ARHGAP10: variants seen among roughly 807,000 people sequenced by gnomAD.
The protein encoded by ARHGAP10 is Rho GTPase activating protein 10.
ARHGAP10 carries 87 observed loss-of-function variants against 108.6 expected under a neutral mutation model. That is an observed-to-expected ratio of 0.80 (90% CI 0.67 to 0.96). The LOEUF is 0.96. ARHGAP10 is among the 40% of genes least tolerant of loss of function. The pLI, the probability that ARHGAP10 is intolerant of heterozygous loss-of-function variation, is 0.00. For missense variants in ARHGAP10, 939 were observed against 954.5 expected, an observed-to-expected ratio of 0.98 and a Z score of 0.21; for synonymous variants, 347 against 341.1, an observed-to-expected ratio of 1.02 and a Z score of -0.19.
At chr4:147,907,164 C>T (rs1736530526) in intron 11 of ARHGAP10, among the ~76,000 whole-genome samples, 2 of 152,048 alleles carry the variant, frequency 1.3e-5, no homozygotes, top group African/African-American at 2.4e-5. Flanking sequence ...TAGTAGTTTA[C>T]AGTATGCAGT....
At position 147,897,958 on chromosome 4, in the gene ARHGAP10, A is replaced by T. The variant is rs201105697; in HGVS notation, c.1035-8680A>T. On this transcript the variant is annotated intron_variant, in intron 10 of 22. Transcript: ENST00000336498. ...TAGCTCTGCCTCCTGGGTTCACGCC[A>T]TTCTCCTGCCTCAGCCTCCCGAGAA... Among the ~76,000 whole-genome samples, 23 of 152,128 alleles carry T rather than the reference A, an allele frequency of 1.5e-4. No individual in the cohort carries two copies. The East Asian group carries it at 3.7e-3, about 24-fold the overall frequency.
intron 3 of ARHGAP10, among the ~76,000 whole-genome samples, chr4:147,846,219 T>G (rs1733623002): frequency 1.3e-5 from 2 of 152,110 alleles, no homozygotes; most frequent in African/African-American, 4.8e-5. Flanking sequence ...CCTCACATAA[T>G]GAAACACTGC....
intron 1 of ARHGAP10, among the ~76,000 whole-genome samples, chr4:147,764,328 A>T (rs1455670089): frequency 6.6e-6 from 1 of 151,772 alleles, no homozygotes; most frequent in Non-Finnish European, 1.5e-5. Context: ...GAGGCTGGAG[A>T]CCCTAGTCTG....
chr4:147,952,632 G>C (rs1414629285), intron 15 of ARHGAP10, among the ~76,000 whole-genome samples: 1 of 151,990 alleles, frequency 6.6e-6, no homozygotes, highest in Non-Finnish European at 1.5e-5. Context: ...TGTTTTAAAA[G>C]TTAAAAAATA....
chr4:148,020,757 T>G (rs777405802), intron 18 of ARHGAP10, among the ~76,000 whole-genome samples: 25 of 152,180 alleles, frequency 1.6e-4, no homozygotes, highest in Non-Finnish European at 3.2e-4. Flanking sequence ...GCAAACATAC[T>G]CGTGCGTGTA....
At chr4:147,853,396 T>A (rs1164536893) in intron 4 of ARHGAP10, among the ~76,000 whole-genome samples, 1 of 152,234 alleles carries the variant, frequency 6.6e-6, no homozygotes, top group Admixed American at 6.5e-5. Context: ...CAGTAAACAT[T>A]ATTTAATTTT....
At chr4:148,048,914 A>G (rs1422574826) in intron 20 of ARHGAP10, among the ~76,000 whole-genome samples, 1 of 152,128 alleles carries the variant, frequency 6.6e-6, no homozygotes, top group African/African-American at 2.4e-5. Context: ...TGAGAGGCCA[A>G]AAAGGGGGTT....
chr4:148,017,680 A>ATATACATATATATATATATATATGAG (rs11281620), intron 18 of ARHGAP10, among the ~76,000 whole-genome samples: 1 of 141,438 alleles, frequency 7.1e-6, no homozygotes, highest in Admixed American at 7.0e-5. Flanking sequence ...ATATATATAT[A>ATATACATATATATATATATATATGAG]TATGTGTGTG....
chr4:148,058,598 C>G (rs1019882757), intron 20 of ARHGAP10, among the ~76,000 whole-genome samples: 1 of 152,134 alleles, frequency 6.6e-6, no homozygotes, highest in Non-Finnish European at 1.5e-5. Context: ...ACTCCCTTCC[C>G]CCTTTCTGAA....
At chr4:147,994,348 C>T (rs1169441470) in intron 18 of ARHGAP10, among the ~76,000 whole-genome samples, 1 of 152,162 alleles carries the variant, frequency 6.6e-6, no homozygotes, top group Admixed American at 6.5e-5. Context: ...CATGCCGGTG[C>T]CTGGCTGTGT....
At position 147,972,842 on chromosome 4, in the gene ARHGAP10, C is replaced by T. The variant is rs1002593735; in HGVS notation, c.1716+6003C>T. Among the ~76,000 whole-genome samples, 5 of 151,904 alleles carry T rather than the reference C, an allele frequency of 3.3e-5. No homozygotes were observed. The East Asian group carries it at 9.7e-4, about 29-fold the overall frequency. On this transcript the variant is annotated intron_variant, in intron 18 of 22. Transcript: ENST00000336498. ...TGGTCTTGGCTCACTGCAATCTCTG[C>T]CTACCGGGTCCAAGTGATTCTCCTG... is the stretch of plus-strand genomic sequence containing the variant.
intron 18 of ARHGAP10, among the ~76,000 whole-genome samples, chr4:148,016,467 C>T (rs758156880): frequency 2.4e-4 from 37 of 151,934 alleles, no homozygotes; most frequent in Admixed American, 4.6e-4. Flanking sequence ...TGTGCCACTG[C>T]GCTCTATCTT....
chr4:147,746,156 T>C (rs1728908744), intron 1 of ARHGAP10, among the ~76,000 whole-genome samples: 1 of 151,842 alleles, frequency 6.6e-6, no homozygotes, highest in South Asian at 2.1e-4. Flanking sequence ...CAGGCTGGAG[T>C]GCTGTGGCGT....
intron 18 of ARHGAP10, among the ~76,000 whole-genome samples, chr4:147,989,183 A>C (rs1246336687): frequency 1.3e-5 from 2 of 152,234 alleles, no homozygotes; most frequent in African/African-American, 4.8e-5. Context: ...AGGGAGTTTC[A>C]AAAGGGGAGG....
intron 13 of ARHGAP10, among the ~76,000 whole-genome samples, chr4:147,918,680 CA>C (rs1448068088): frequency 6.6e-6 from 1 of 152,220 alleles, no homozygotes; most frequent in Admixed American, 6.5e-5. Flanking sequence ...CCTATCACGG[CA>C]GCTGTGAGGT....
intron 8 of ARHGAP10, among the ~76,000 whole-genome samples, chr4:147,878,928 C>CACTA (rs1411237293): frequency 6.6e-6 from 1 of 152,134 alleles, no homozygotes; most frequent in South Asian, 2.1e-4. Flanking sequence ...AGGCGCCTGC[C>CACTA]ACTATGCCTG....
rs369243527 is a variant in ARHGAP10 at position 147,768,528 on chromosome 4, G to T, written c.154+36073G>T. On this transcript the variant is annotated intron_variant, in intron 1 of 22. Coordinates refer to ENST00000336498, the MANE Select transcript of ARHGAP10 (RefSeq NM_024605.4). ...AAAAAAAAAAGTAATTAAAGGTTGAGATTTAATGAATTTTACTTACTAAAT... is the reference window on the plus strand; with the variant it reads ...AAAAAAAAAAGTAATTAAAGGTTGATATTTAATGAATTTTACTTACTAAAT... 2.6e-5 allele frequency among the ~76,000 whole-genome samples: 4 copies of T among 152,014 alleles called. No individual in the cohort carries two copies. In the East Asian group the frequency reaches 7.7e-4, roughly 29 times the overall value.
intron 18 of ARHGAP10, among the ~76,000 whole-genome samples, chr4:147,999,066 G>C (rs1278835578): frequency 6.6e-6 from 1 of 152,206 alleles, no homozygotes; most frequent in Non-Finnish European, 1.5e-5. Context: ...CTAACATTGA[G>C]AGACAGGACT....
rs183386658 is a variant in ARHGAP10, at chr4:148,036,158, G to A, written c.1868-10734G>A. On this transcript the variant is annotated intron_variant, in intron 19 of 22. Transcript: ENST00000336498. ...GTATAAGATAATATGATATAATTCC[G>A]TGACCTAGGTTTTATAGAGGATGAG... Among the ~76,000 whole-genome samples, 271 of 151,640 alleles carry A rather than the reference G, an allele frequency of 1.8e-3. 1 individual carries two copies. Among genetic ancestry groups the A allele is most frequent in the African/African-American group, 6.0e-3 (248 of 41,274 alleles).
Sources: allele counts gnomAD v4.1 joint callset (sites outside exome capture counted in the v4.1 genomes callset), GRCh38; gene constraint gnomAD v4.1.1; transcripts MANE v1.5; gene names NCBI Gene and HGNC (gene_info 2026-07-23, HGNC 2026-07-21).